The following SLCO6A1 variants were observed in gnomAD, a reference collection of about 807,000 sequenced individuals.
The protein encoded by SLCO6A1 is solute carrier organic anion transporter family member 6A1, also known as cancer/testis antigen 48.
In SLCO6A1, 65 loss-of-function variants were observed where a neutral mutation model predicts 72.7. The observed-to-expected ratio is 0.89, with a 90% CI of 0.73 to 1.10. The LOEUF (loss-of-function observed/expected upper bound fraction) is 1.10, where lower values mean the gene tolerates loss of function less well. Ranked by LOEUF, SLCO6A1 falls within the 50% of genes least tolerant of loss-of-function variation. SLCO6A1 has a pLI of 0.00. For synonymous variants in SLCO6A1, 314 were observed against 298.2 expected (o/e 1.05, Z -0.55); for missense variants, 874 against 872.6 (o/e 1.00, Z -0.02).
chr5:102,425,279 G>T (rs1043489454), intron 7 of SLCO6A1, among the ~76,000 whole-genome samples: 13 of 152,100 alleles, frequency 8.5e-5, no homozygotes, highest in African/African-American at 2.4e-4. Flanking sequence ...GGGTGATTAG[G>T]CAAGAGAAAG....
intron 1 of SLCO6A1, among the ~76,000 whole-genome samples, chr5:102,487,153 C>G (rs1037306320): frequency 6.6e-6 from 1 of 152,108 alleles, no homozygotes; most frequent in African/African-American, 2.4e-5. Flanking sequence ...TCATACTTCA[C>G]AAAATGTTTT....
rs529770886 is a variant in SLCO6A1, at chr5:102,427,591, T to C, written c.1277-7570A>G. 2.7e-3 allele frequency among the ~76,000 whole-genome samples: 416 copies of C among 152,078 alleles called. 2 individuals are homozygous for C. The highest frequency in any genetic ancestry group is 9.7e-3 in the African/African-American group (402 of 41,500). ...ACAAGGAAAGACTGAGAAATTGTCATAGCCAAGAGAACTTCAAAGAGACAT... is the reference window on the plus strand; with the variant it reads ...ACAAGGAAAGACTGAGAAATTGTCACAGCCAAGAGAACTTCAAAGAGACAT... On this transcript the variant is annotated intron_variant, in intron 7 of 13. Coordinates refer to ENST00000506729, the MANE Select transcript of SLCO6A1 (RefSeq NM_173488.5).
In SLCO6A1 at chr5:102,458,363, G is replaced by T; in HGVS notation, c.1131+19C>A. Reference sequence around the variant, plus strand: ...AGGTCAACTTAGTTGGATTGTTCAAGTAAAATATTTTACTTTACCCAAAGA... The same window carrying T: ...AGGTCAACTTAGTTGGATTGTTCAATTAAAATATTTTACTTTACCCAAAGA... On this transcript the variant is annotated intron_variant, in intron 6 of 13. Coordinates refer to ENST00000506729, the MANE Select transcript of SLCO6A1 (RefSeq NM_173488.5). 1 of 1,551,700 alleles carries T rather than the reference G, an allele frequency of 6.4e-7. No homozygotes were observed. The highest frequency in any genetic ancestry group is 8.8e-7 in the Non-Finnish European group (1 of 1,130,926).
At chr5:102,416,902 T>C (rs762101291) in intron 8 of SLCO6A1, among the ~76,000 whole-genome samples, 24 of 152,168 alleles carry the variant, frequency 1.6e-4, no homozygotes, top group Non-Finnish European at 2.8e-4. Flanking sequence ...AATTTTTTGA[T>C]CTACTTCTGA....
intron 10 of SLCO6A1, among the ~76,000 whole-genome samples, chr5:102,391,481 G>C (rs1746756266): frequency 6.6e-6 from 1 of 152,028 alleles, no homozygotes; most frequent in Non-Finnish European, 1.5e-5. Context: ...ATATCAATGG[G>C]CTCTCTTGTC....
chr5:102,485,471 T>A (rs1019614076), intron 1 of SLCO6A1, among the ~76,000 whole-genome samples: 5 of 152,098 alleles, frequency 3.3e-5, no homozygotes, highest in Admixed American at 3.3e-4. Flanking sequence ...ATGGTGAAGA[T>A]CTTTCTTGTC....
chr5:102,480,823 T>A (rs1423578144), intron 1 of SLCO6A1, among the ~76,000 whole-genome samples: 1 of 152,154 alleles, frequency 6.6e-6, no homozygotes, highest in Non-Finnish European at 1.5e-5. Context: ...ATCAAAATAG[T>A]TAAAGCCCAA....
intron 4 of SLCO6A1, among the ~76,000 whole-genome samples, chr5:102,473,172 A>G (rs1189857426): frequency 6.6e-6 from 1 of 152,010 alleles, no homozygotes; most frequent in Non-Finnish European, 1.5e-5. Context: ...AAGATACTAC[A>G]AGAAAACTAC....
chr5:102,472,243 T>A (rs1448314372), intron 4 of SLCO6A1, among the ~76,000 whole-genome samples: 1 of 152,122 alleles, frequency 6.6e-6, no homozygotes, highest in African/African-American at 2.4e-5. Flanking sequence ...TGAAAACTTA[T>A]CTGTTTCCTT....
At position 102,480,973 on chromosome 5, in the gene SLCO6A1, C is replaced by A. The variant is rs561579380; in HGVS notation, c.359-539G>T. Among the ~76,000 whole-genome samples the A allele has an allele frequency of 4.1e-3, 623 of 152,110 alleles. 9 individuals carry two copies. Among genetic ancestry groups the A allele is most frequent in the African/African-American group, 0.014 (599 of 41,494 alleles). On this transcript the variant is annotated intron_variant, in intron 1 of 13. Transcript: ENST00000506729. Reference sequence around the variant, plus strand: ...AATATCAAGTATTGTTTTTCATGTTCCTGAATGTGAAATGAATGGTACCAT... The same window carrying A: ...AATATCAAGTATTGTTTTTCATGTTACTGAATGTGAAATGAATGGTACCAT...
intron 1 of SLCO6A1, among the ~76,000 whole-genome samples, chr5:102,490,550 A>G (rs1298410378): frequency 6.6e-6 from 1 of 152,172 alleles, no homozygotes; most frequent in Non-Finnish European, 1.5e-5. Flanking sequence ...ACTGACTACA[A>G]GAATGAAACC....
At chr5:102,459,506 A>G (rs1750910641) in intron 5 of SLCO6A1, 150 bp downstream of exon 5, 2 of 796,198 alleles carry the variant, frequency 2.5e-6, no homozygotes, top group African/African-American at 1.8e-5. Flanking sequence ...AAATAACACT[A>G]GCACTTGACA....
intron 12 of SLCO6A1, among the ~76,000 whole-genome samples, chr5:102,388,275 A>G (rs927056406): frequency 6.6e-6 from 1 of 152,162 alleles, no homozygotes; most frequent in African/African-American, 2.4e-5. Context: ...TCAAATACAT[A>G]AATTCTATGG....
chr5:102,460,318 A>G (rs1408690796), intron 4 of SLCO6A1, among the ~76,000 whole-genome samples: 1 of 152,048 alleles, frequency 6.6e-6, no homozygotes, highest in Non-Finnish European at 1.5e-5. Flanking sequence ...TATTATTCCA[A>G]ATCACCCTTA....
intron 10 of SLCO6A1, 116 bp from the exon 11 acceptor site, chr5:102,391,161 C>CT: frequency 1.1e-6 from 1 of 942,872 alleles, no homozygotes; most frequent in Non-Finnish European, 1.7e-6. Context: ...TACTAAGAAT[C>CT]TTTAGCCAAT....
At chr5:102,402,098 G>A (rs1190916929) in intron 9 of SLCO6A1, among the ~76,000 whole-genome samples, 1 of 152,084 alleles carries the variant, frequency 6.6e-6, no homozygotes, top group Non-Finnish European at 1.5e-5. Context: ...TGAAAGAAAG[G>A]AAGTTGTAGA....
At chr5:102,491,849 G>A (rs1239104932) in intron 1 of SLCO6A1, among the ~76,000 whole-genome samples, 2 of 152,274 alleles carry the variant, frequency 1.3e-5, no homozygotes, top group Non-Finnish European at 2.9e-5. Context: ...GGGCGCCAAG[G>A]CGGAGGAGGT....
At chr5:102,418,283 T>A (rs1304236339) in intron 8 of SLCO6A1, among the ~76,000 whole-genome samples, 3 of 152,104 alleles carry the variant, frequency 2.0e-5, no homozygotes, top group Non-Finnish European at 4.4e-5. Flanking sequence ...TTATTTTGAA[T>A]AATTTGATTA....
chr5:102,449,723 G>T (rs1750312195), intron 6 of SLCO6A1, among the ~76,000 whole-genome samples: 1 of 152,164 alleles, frequency 6.6e-6, no homozygotes, highest in African/African-American at 2.4e-5. Context: ...GGAAATTTTT[G>T]TGGACAATAT....
Sources: gnomAD v4.1 joint callset for allele counts (sites outside exome capture counted in the v4.1 genomes callset) on GRCh38, gnomAD v4.1.1 for gene constraint, MANE v1.5 for transcripts, NCBI Gene and HGNC (gene_info 2026-07-23, HGNC 2026-07-21) for gene names.